Variants in CEP290 observed in about 807,000 individuals in gnomAD.
CEP290 encodes the protein centrosomal protein 290, also known as centrosomal protein of 290 kDa.
CEP290 carries 317 observed loss-of-function variants against 344.9 expected under a neutral mutation model. The observed-to-expected ratio is 0.92, with a 90% CI of 0.84 to 1.01. CEP290 has a LOEUF of 1.01. Ranked by LOEUF, CEP290 falls within the 50% of genes least tolerant of loss-of-function variation. The probability of loss-of-function intolerance (pLI) is 0.00; values close to 1 mark genes in which losing one functional copy is unlikely to be tolerated. For missense variants in CEP290, 2,754 were observed against 2,761.4 expected (o/e 1.00, Z 0.06); for synonymous variants, 932 against 895.8 (o/e 1.04, Z -0.72).
chr12:88,139,487 G>A lies in CEP290; in HGVS notation c.250+8C>T. 6.3e-7 allele frequency: 1 copy of A among 1,593,926 alleles called. No individual in the cohort carries two copies. Among genetic ancestry groups the A allele is most frequent in the African/African-American group, 1.3e-5 (1 of 74,114 alleles). On this transcript the variant is annotated splice_region_variant and intron_variant, in intron 4 of 53. Coordinates refer to ENST00000552810, the MANE Select transcript of CEP290 (RefSeq NM_025114.4). ...AATACCATAATAAACTTTTTCCAAG[G>A]TGCTTACCAAATTTTGCTTGTTCTT...
chr12:88,120,893 C>T (rs1333241322), intron 14 of CEP290, 104 bp downstream of exon 14: 2 of 886,014 alleles, frequency 2.3e-6, no homozygotes, highest in Non-Finnish European at 3.4e-6. Flanking sequence ...TCAAAAGATA[C>T]TTATGGAATG....
In CEP290 at chr12:88,089,028, T is replaced by A; in HGVS notation, c.4029+4A>T. ...AAAAAAAAAAATCAAGTTTAAATGTTTACCTTTTGGGCTCCTTTGGTATCC... is the reference window on the plus strand; with the variant it reads ...AAAAAAAAAAATCAAGTTTAAATGTATACCTTTTGGGCTCCTTTGGTATCC... On this transcript the variant is annotated splice_donor_region_variant and intron_variant, in intron 31 of 53. Coordinates refer to ENST00000552810, the MANE Select transcript of CEP290 (RefSeq NM_025114.4). The A allele has an allele frequency of 6.7e-7, 1 of 1,493,194 alleles. No homozygotes were observed. Among genetic ancestry groups the A allele is most frequent in the Non-Finnish European group, 8.9e-7 (1 of 1,122,504 alleles). The allele number at this position is 1,493,194 out of a possible 1,614,324, so 92.5% of individuals were successfully genotyped here. A position where few individuals can be genotyped will look rare whatever the true frequency, so the allele number is the denominator to read the frequency against.
chr12:88,109,111 G>T lies in CEP290; in HGVS notation c.2438C>A (p.Ala813Asp). ...CAAACTTTGTTGATGACGAATTACAGCAAATTTTCTGTTGTAATCTTCAAG... is the reference window on the plus strand; with the variant it reads ...CAAACTTTGTTGATGACGAATTACATCAAATTTTCTGTTGTAATCTTCAAG... ...DSLEDYNRKF[A>D]VIRHQQSLLY... Residue 813 changes from alanine to aspartate, a missense_variant, in exon 23 of 54, where the codon GCT becomes GAT. By Grantham distance (126) the Ala-to-Asp change is moderately radical. Transcript: ENST00000552810. The T allele has an allele frequency of 6.8e-7, 1 of 1,461,584 alleles. No individual in the cohort carries two copies. Among genetic ancestry groups the T allele is most frequent in the South Asian group, 1.4e-5 (1 of 70,280 alleles). 90.5% of individuals were successfully genotyped at this position (1,461,584 alleles called of 1,614,324 possible).
At chr12:88,075,283 A>G (rs1022575262) in intron 41 of CEP290, among the ~76,000 whole-genome samples, 1 of 22,056 alleles carries the variant, frequency 4.5e-5, no homozygotes, top group Admixed American at 5.6e-4. Flanking sequence ...AACTTTTTCC[A>G]AAACAGGTTA....
intron 45 of CEP290, 92 bp from the exon 46 acceptor site, chr12:88,062,870 T>C: frequency 2.6e-6 from 2 of 765,710 alleles, no homozygotes; most frequent in Non-Finnish European, 2.1e-6. Context: ...ATCAATCTCT[T>C]CAACTGTATT....
chr12:88,094,672 AGG>A (rs66713968), intron 27 of CEP290, among the ~76,000 whole-genome samples: 10 of 151,250 alleles, frequency 6.6e-5, no homozygotes, highest in Admixed American at 3.3e-4. Flanking sequence ...TCATTTTTTG[AGG>A]GGGGGGGAAG....
intron 31 of CEP290, among the ~76,000 whole-genome samples, 184 bp downstream of exon 31, chr12:88,088,848 T>C (rs2036789412): frequency 6.6e-6 from 1 of 151,946 alleles, no homozygotes; most frequent in South Asian, 2.1e-4. Flanking sequence ...ATTTAAAAAT[T>C]TTAAAAAATT....
intron 46 of CEP290, among the ~76,000 whole-genome samples, chr12:88,062,415 C>T (rs2034546883): frequency 6.6e-6 from 1 of 152,110 alleles, no homozygotes; most frequent in Non-Finnish European, 1.5e-5. Flanking sequence ...TAGCAGTTAC[C>T]TCCATAAACA....
intron 13 of CEP290, among the ~76,000 whole-genome samples, chr12:88,123,108 C>A (rs1012581499): frequency 5.3e-5 from 8 of 152,094 alleles, no homozygotes; most frequent in African/African-American, 1.9e-4. Flanking sequence ...TAGTTAAGGC[C>A]AACCTCTTCA....
Position 88,071,834 on chromosome 12 carries a change from C to T in CEP290, c.5802G>A (p.Gly1934=). The change falls in exon 42 of 54, where the codon GGG becomes GGA. Residue 1934 remains glycine (G), a synonymous_variant. Transcript: ENST00000552810. ...GIRNKLKEKE[G]EVFTLTKQLN... The stretch of plus-strand genomic sequence containing the variant: ...ACTGCTTTGTTAAAGTAAAGACTTC[C>T]CCCTCTTTCTCTTTTAACTTGTTTC... The T allele has an allele frequency of 1.2e-6, 2 of 1,603,668 alleles. No individual in the cohort carries two copies. The highest frequency in any genetic ancestry group is 8.5e-7 in the Non-Finnish European group (1 of 1,175,900).
chr12:88,071,892 C>A lies in CEP290; in HGVS notation c.5744G>T (p.Gly1915Val), dbSNP rs1161136763. Residue 1915 changes from glycine to valine, a missense_variant, in exon 42 of 54, where the codon GGT (glycine) becomes GTT (valine). Coordinates refer to ENST00000552810, the MANE Select transcript of CEP290 (RefSeq NM_025114.4). ...AKEELIRWEE[G>V]KKWQAKIEGI... ...TTCTATTTTGGCTTGCCACTTTTTA[C>A]CTTCTTCCCACCTAATTAATTCTTC... The A allele has an allele frequency of 1.2e-6, 2 of 1,601,016 alleles. No homozygotes were observed. The highest frequency in any genetic ancestry group is 1.7e-6 in the Non-Finnish European group (2 of 1,174,796).
chr12:88,082,526 C>T (rs972697793), intron 37 of CEP290, among the ~76,000 whole-genome samples: 3 of 151,980 alleles, frequency 2.0e-5, no homozygotes, highest in Admixed American at 2.0e-4. Flanking sequence ...AACCTTGTCT[C>T]TACAAAAATA....
chr12:88,139,297 C>T (rs2040507348), intron 4 of CEP290, 106 bp from the exon 5 acceptor site: 1 of 587,846 alleles, frequency 1.7e-6, no homozygotes, highest in African/African-American at 2.0e-5. Flanking sequence ...AAGAGTCCAT[C>T]ATGATTATAA....
Position 88,049,305 on chromosome 12 carries a change from A to G in CEP290, c.7319T>C (p.Leu2440Pro). 2.5e-6 allele frequency: 4 copies of G among 1,598,842 alleles called. No individual in the cohort carries two copies. Among genetic ancestry groups the G allele is most frequent in the Non-Finnish European group, 3.4e-6 (4 of 1,168,408 alleles). ...AAGTTTTTTTACCTTCTCTTCTAAGAGAATATTCTTCTTCACTTCTTCCTT... is the reference window on the plus strand; with the variant it reads ...AAGTTTTTTTACCTTCTCTTCTAAGGGAATATTCTTCTTCACTTCTTCCTT... ...NYKEEVKKNI[L>P]LEEKVKKLSE... The change falls in exon 54 of 54, where the codon CTC becomes CCC. Residue 2440 changes from leucine to proline, a missense_variant. Coordinates refer to ENST00000552810, the MANE Select transcript of CEP290 (RefSeq NM_025114.4).
At chr12:88,094,112 C>CCTG in intron 27 of CEP290, 137 bp from the exon 28 acceptor site, 1 of 638,868 alleles carries the variant, frequency 1.6e-6, no homozygotes, top group Non-Finnish European at 2.6e-6. Flanking sequence ...CAGACCTGGA[C>CCTG]TCTAATCTTA....
At chr12:88,111,539 T>C (rs1391019372) in intron 21 of CEP290, among the ~76,000 whole-genome samples, 155 bp downstream of exon 21, 1 of 152,186 alleles carries the variant, frequency 6.6e-6, no homozygotes, top group East Asian at 1.9e-4. Flanking sequence ...TATTTTCCAC[T>C]TATAATTTTA....
Position 88,115,096 on chromosome 12 carries a change from A to T in CEP290, c.1909+2T>A, listed in dbSNP as rs1409856326. The T allele has an allele frequency of 7.2e-7, 1 of 1,389,058 alleles. No individual in the cohort carries two copies. The highest frequency in any genetic ancestry group is 9.9e-7 in the Non-Finnish European group (1 of 1,005,698). 86.0% of individuals were successfully genotyped at this position (1,389,058 alleles called of 1,614,324 possible). On this transcript the variant is annotated splice_donor_variant, in intron 19 of 53. Transcript: ENST00000552810. LOFTEE classifies it high-confidence loss of function. ...GAAAAGTAAAAGATAATTGTAACTTACATTTATTCTGAAATTTGGCTATCA... is the reference window on the plus strand; with the variant it reads ...GAAAAGTAAAAGATAATTGTAACTTTCATTTATTCTGAAATTTGGCTATCA...
chr12:88,062,794 C>T lies in CEP290; in HGVS notation c.6271-16G>A. On this transcript the variant is annotated splice_polypyrimidine_tract_variant and intron_variant, in intron 45 of 53. Coordinates refer to ENST00000552810, the MANE Select transcript of CEP290 (RefSeq NM_025114.4). The stretch of plus-strand genomic sequence containing the variant: ...TGACTTGATTCTGAAAGATAACAAG[C>T]AAACATGTAATAATTTAACATAGCT... The T allele has an allele frequency of 6.8e-7, 1 of 1,472,570 alleles. No homozygotes were observed. Among genetic ancestry groups the T allele is most frequent in the African/African-American group, 1.4e-5 (1 of 72,234 alleles). 91.2% of individuals were successfully genotyped at this position (1,472,570 alleles called of 1,614,324 possible). A position where few individuals can be genotyped will look rare whatever the true frequency, so the allele number is the denominator to read the frequency against.
intron 48 of CEP290, 73 bp downstream of exon 48, chr12:88,059,825 C>A: frequency 1.6e-6 from 2 of 1,257,720 alleles, no homozygotes; most frequent in Non-Finnish European, 2.2e-6. Flanking sequence ...CATCAAGGAT[C>A]TACTTCCAGT....
Sources: gnomAD v4.1 joint callset for allele counts (sites outside exome capture counted in the v4.1 genomes callset) on GRCh38, gnomAD v4.1.1 for gene constraint, MANE v1.5 for transcripts, NCBI Gene and HGNC (gene_info 2026-07-23, HGNC 2026-07-21) for gene names.